The following DLGAP2 variants were observed in gnomAD, a reference collection of about 807,000 sequenced individuals.
DLGAP2 encodes disks large-associated protein 2.
DLGAP2 carries 26 observed loss-of-function variants against 100.3 expected under a neutral mutation model. The observed-to-expected ratio is 0.26, with a 90% CI of 0.19 to 0.36. DLGAP2 has a LOEUF of 0.36. Among genes scored for constraint, DLGAP2 ranks in the 10% least tolerant of loss-of-function variants. The pLI is 1.00. For missense variants in DLGAP2, 1,858 were observed against 1,453.2 expected (o/e 1.28, Z -4.53); for synonymous variants, 886 against 630.1 (o/e 1.41, Z -6.08).
In DLGAP2 at chr8:1,300,627, C is replaced by T. The variant is rs148925167; in HGVS notation, c.106+41744C>T. On this transcript the variant is annotated intron_variant, in intron 3 of 14. Transcript: ENST00000637795. ...AGGGGGCCAGTTTTTGGTGAGAACC[C>T]AGAGTCCAGCTTTGAGGTTCACCTC... 2.0e-5 allele frequency: 3 copies of T among 152,356 alleles called. No homozygotes were observed. In the East Asian group the frequency reaches 5.8e-4, roughly 29 times the overall value. 9.4% of individuals were successfully genotyped at this position (152,356 alleles called of 1,614,324 possible).
intron 3 of DLGAP2, among the ~76,000 whole-genome samples, chr8:1,366,020 C>T (rs910580388): frequency 3.9e-5 from 6 of 152,258 alleles, no homozygotes; most frequent in Non-Finnish European, 5.9e-5. Context: ...AGCCTGGCTT[C>T]TGCCACAGAG....
At chr8:1,039,672 C>T (rs78428501) in intron 2 of DLGAP2, among the ~76,000 whole-genome samples, 65 of 92,656 alleles carry the variant, frequency 7.0e-4, no homozygotes, top group Non-Finnish European at 8.1e-4. Context: ...GTGGTCAGCT[C>T]GGTGTGCGTG....
At chr8:1,311,497 T>A (rs1045020017) in intron 3 of DLGAP2, among the ~76,000 whole-genome samples, 4 of 152,090 alleles carry the variant, frequency 2.6e-5, no homozygotes, top group African/African-American at 9.7e-5. Context: ...ACAAACCATA[T>A]CCCTTATCAA....
At chr8:1,344,789 G>A (rs538479799) in intron 3 of DLGAP2, among the ~76,000 whole-genome samples, 1 of 152,314 alleles carries the variant, frequency 6.6e-6, no homozygotes, top group South Asian at 2.1e-4. Flanking sequence ...TGAGGCATCT[G>A]TGCAGGACTG....
At chr8:1,555,865 G>A (rs1801946994) in intron 5 of DLGAP2, among the ~76,000 whole-genome samples, 1 of 152,250 alleles carries the variant, frequency 6.6e-6, no homozygotes, top group African/African-American at 2.4e-5. Context: ...GGCTAGCCTT[G>A]TGTCTGGTAA....
At chr8:1,187,575 C>CGT (rs1797536647) in intron 2 of DLGAP2, among the ~76,000 whole-genome samples, 1 of 148,192 alleles carries the variant, frequency 6.7e-6, no homozygotes, top group African/African-American at 2.5e-5. Context: ...GAATCTCGCA[C>CGT]GCCCGGGACC....
At chr8:1,033,483 A>G (rs1466315040) in intron 2 of DLGAP2, among the ~76,000 whole-genome samples, 1 of 152,166 alleles carries the variant, frequency 6.6e-6, no homozygotes, top group Non-Finnish European at 1.5e-5. Context: ...CCTGGGCAAC[A>G]TGGCAAAACC....
intron 1 of DLGAP2, among the ~76,000 whole-genome samples, chr8:814,585 A>T (rs1050014939): frequency 3.3e-5 from 5 of 152,166 alleles, no homozygotes; most frequent in Non-Finnish European, 5.9e-5. Flanking sequence ...AAAATGACCA[A>T]TTAGAAATAC....
chr8:1,059,731 C>T (rs956310879), intron 2 of DLGAP2, among the ~76,000 whole-genome samples: 7 of 152,168 alleles, frequency 4.6e-5, no homozygotes, highest in Middle Eastern at 6.8e-3. Flanking sequence ...GGCTGAGGGG[C>T]GTGAGGCAGG....
chr8:800,991 A>T (rs562208238), intron 1 of DLGAP2, among the ~76,000 whole-genome samples: 15 of 151,266 alleles, frequency 9.9e-5, no homozygotes, highest in African/African-American at 3.4e-4. Context: ...GCCACCGTCC[A>T]CAGCCTGATA....
chr8:1,598,387 T>A (rs935056588), intron 6 of DLGAP2, among the ~76,000 whole-genome samples: 1 of 152,162 alleles, frequency 6.6e-6, no homozygotes, highest in African/African-American at 2.4e-5. Context: ...ATAAAATGAG[T>A]TAGAGAGGAG....
At chr8:1,384,758 A>C (rs78526122) in intron 3 of DLGAP2, among the ~76,000 whole-genome samples, 2 of 22,198 alleles carry the variant, frequency 9.0e-5, no homozygotes, top group African/African-American at 1.7e-4. Flanking sequence ...ACCCCGGCCT[A>C]TGCCCGGCCC....
chr8:1,587,919 C>G (rs896850603), intron 6 of DLGAP2, among the ~76,000 whole-genome samples: 4 of 152,126 alleles, frequency 2.6e-5, no homozygotes, highest in Non-Finnish European at 4.4e-5. Context: ...CCACAAAATG[C>G]ATTTACTAGC....
intron 3 of DLGAP2, among the ~76,000 whole-genome samples, chr8:1,446,916 T>G (rs993400259): frequency 2.6e-5 from 4 of 152,222 alleles, no homozygotes; most frequent in Non-Finnish European, 5.9e-5. Flanking sequence ...TGTATAAGAA[T>G]GCTTGTGATT....
At chr8:849,185 G>C (rs1284361165) in intron 1 of DLGAP2, among the ~76,000 whole-genome samples, 1 of 151,914 alleles carries the variant, frequency 6.6e-6, no homozygotes, top group Non-Finnish European at 1.5e-5. Context: ...TTCCAGTCTA[G>C]GATCTTGTGG....
intron 2 of DLGAP2, among the ~76,000 whole-genome samples, chr8:1,116,363 G>C (rs2129046743): frequency 1.3e-5 from 2 of 152,290 alleles, no homozygotes; most frequent in East Asian, 3.9e-4. Context: ...GGAAGACTTG[G>C]GGTCAGAAAA....
At chr8:968,183 G>C (rs1429498053) in intron 2 of DLGAP2, among the ~76,000 whole-genome samples, 1 of 152,040 alleles carries the variant, frequency 6.6e-6, no homozygotes, top group African/African-American at 2.4e-5. Context: ...GGGAATATCT[G>C]ACTTTTACTG....
chr8:1,298,789 C>A (rs549418040), intron 3 of DLGAP2, among the ~76,000 whole-genome samples: 2 of 152,198 alleles, frequency 1.3e-5, no homozygotes, highest in African/African-American at 2.4e-5. Context: ...TTGCAAAGAT[C>A]GTCTTGAGAG....
chr8:1,648,372 A>G (rs1378134917), intron 8 of DLGAP2, among the ~76,000 whole-genome samples: 1 of 152,218 alleles, frequency 6.6e-6, no homozygotes, highest in Non-Finnish European at 1.5e-5. Flanking sequence ...TATAACCGAC[A>G]TGTGCAAGAA....
Sources: allele counts gnomAD v4.1 joint callset (sites outside exome capture counted in the v4.1 genomes callset), GRCh38; gene constraint gnomAD v4.1.1; transcripts MANE v1.5; gene names NCBI Gene and HGNC (gene_info 2026-07-23, HGNC 2026-07-21).